Variants in ZNF700 observed in about 807,000 individuals in gnomAD.
The protein encoded by ZNF700 is zinc finger protein 700.
ZNF700 carries 38 observed loss-of-function variants against 65.3 expected under a neutral mutation model. The ratio of observed to expected loss-of-function variants is 0.58; its 90% CI spans 0.45 to 0.76. The LOEUF is 0.76. ZNF700 is among the 30% of genes least tolerant of loss of function. ZNF700 has a pLI of 0.00. For synonymous variants in ZNF700, 285 were observed against 290.4 expected, an observed-to-expected ratio of 0.98 and a Z score of 0.19; for missense variants, 857 against 888.4, an observed-to-expected ratio of 0.96 and a Z score of 0.45.
chr19:11,929,620 G>A (rs1044742260), intron 1 of ZNF700, among the ~76,000 whole-genome samples: 4 of 147,910 alleles, frequency 2.7e-5, no homozygotes, highest in Non-Finnish European at 4.4e-5. Context: ...GGGTCCTTAG[G>A]TAGGACCTTA....
chr19:11,948,393 A>G lies in ZNF700; in HGVS notation c.369A>G (p.Val123=). 1.2e-6 allele frequency: 2 copies of G among 1,614,100 alleles called. No individual in the cohort carries two copies. The highest frequency in any genetic ancestry group is 1.7e-6 in the Non-Finnish European group (2 of 1,179,960). The change falls in exon 4 of 4, where the codon GTA becomes GTG. Residue 123 remains valine (V), a synonymous_variant. Coordinates refer to ENST00000254321, the MANE Select transcript of ZNF700 (RefSeq NM_144566.3). The part of the protein sequence containing the change: ...NFQEKKASPE[V]KSCDSFVCAE... ...AGGAGAAGAAAGCTTCTCCTGAAGT[A>G]AAATCATGTGACAGCTTTGTGTGTG...
chr19:11,943,929 G>A (rs1972922036), intron 1 of ZNF700, among the ~76,000 whole-genome samples: 1 of 152,090 alleles, frequency 6.6e-6, no homozygotes, highest in African/African-American at 2.4e-5. Context: ...CTTTGCAGGG[G>A]TTTTCCAGGT....
In ZNF700 at chr19:11,937,485, CTTTCCTTTTT is replaced by C. The variant is rs1208927096; in HGVS notation, c.64-9692_64-9683del. 4.3e-5 allele frequency among the ~76,000 whole-genome samples: 6 copies of C among 138,304 alleles called. No homozygotes were observed. The East Asian group carries it at 1.2e-3, about 28-fold the overall frequency. 90.7% of individuals were successfully genotyped at this position (138,304 alleles called of 152,430 possible). On this transcript the variant is annotated intron_variant, in intron 1 of 3. Coordinates refer to ENST00000254321, the MANE Select transcript of ZNF700 (RefSeq NM_144566.3). The stretch of plus-strand genomic sequence containing the variant: ...CTTTATAGTAGATTTTTCTTTTTTT[CTTTCCTTTTT>C]TTTTTTTTTTTGAGACAGAGTCTCG...
chr19:11,934,867 C>A (rs1452690910), intron 1 of ZNF700, among the ~76,000 whole-genome samples: 2 of 147,450 alleles, frequency 1.4e-5, no homozygotes. Flanking sequence ...TGTAGAGCAT[C>A]CTGTCATATG....
intron 1 of ZNF700, among the ~76,000 whole-genome samples, chr19:11,946,175 G>A (rs1262706851): frequency 6.6e-6 from 1 of 152,174 alleles, no homozygotes; most frequent in Non-Finnish European, 1.5e-5. Context: ...GAGCCATTTT[G>A]TTTCTTCTTT....
intron 1 of ZNF700, among the ~76,000 whole-genome samples, chr19:11,942,957 C>A (rs907177867): frequency 6.6e-5 from 10 of 152,112 alleles, no homozygotes; most frequent in African/African-American, 1.9e-4. Flanking sequence ...CACTTTCATC[C>A]TTACTACCTA....
At chr19:11,932,021 A>G (rs1972721336) in intron 1 of ZNF700, among the ~76,000 whole-genome samples, 1 of 147,838 alleles carries the variant, frequency 6.8e-6, no homozygotes, top group Non-Finnish European at 1.5e-5. Context: ...AGGCTGAGGC[A>G]GGAGAATCGC....
At position 11,925,154 on chromosome 19, in the gene ZNF700, A is replaced by C. The variant is rs976246938; in HGVS notation, c.-57A>C. On this transcript the variant is annotated 5_prime_UTR_variant, in exon 1 of 4. Coordinates refer to ENST00000254321, the MANE Select transcript of ZNF700 (RefSeq NM_144566.3). ...GCGGCGGTTGGTAACCGGTCAGACC[A>C]GCCCGAGAGGGACCTGGTGCCTGTA... 3 of 1,601,494 alleles carry C rather than the reference A, an allele frequency of 1.9e-6. No homozygotes were observed. The highest frequency in any genetic ancestry group is 1.7e-6 in the Non-Finnish European group (2 of 1,171,612).
chr19:11,950,539 A>G lies in ZNF700; in HGVS notation c.*286A>G. 1.7e-6 allele frequency: 1 copy of G among 602,246 alleles called. No individual in the cohort carries two copies. The highest frequency in any genetic ancestry group is 3.1e-6 in the Non-Finnish European group (1 of 320,434). The allele number at this position is 602,246 out of a possible 1,614,324, so 37.3% of individuals were successfully genotyped here. On this transcript the variant is annotated 3_prime_UTR_variant, in exon 4 of 4. Coordinates refer to ENST00000254321, the MANE Select transcript of ZNF700 (RefSeq NM_144566.3). ...ACTGGAGTGAAACCCTATGAATGTA[A>G]GCAATGTGGGAAAGCCTTCAGATGT...
At position 11,925,197 on chromosome 19, in the gene ZNF700, C is replaced by G; in HGVS notation, c.-14C>G. 6.2e-7 allele frequency: 1 copy of G among 1,612,104 alleles called. No homozygotes were observed. Among genetic ancestry groups the G allele is most frequent in the South Asian group, 1.1e-5 (1 of 91,070 alleles). ...TGCCTGTACCCAGGCTTCTGTCGCTCTGTCGCCTGCGCTATGCCCTGCTGT... is the reference window on the plus strand; with the variant it reads ...TGCCTGTACCCAGGCTTCTGTCGCTGTGTCGCCTGCGCTATGCCCTGCTGT... On this transcript the variant is annotated 5_prime_UTR_variant, in exon 1 of 4. Transcript: ENST00000254321.
chr19:11,950,563 G>A lies in ZNF700; in HGVS notation c.*310G>A, dbSNP rs1973051902. 3.6e-6 allele frequency: 2 copies of A among 558,018 alleles called. No homozygotes were observed. Among genetic ancestry groups the A allele is most frequent in the Middle Eastern group, 3.0e-4 (1 of 3,290 alleles). 34.6% of individuals were successfully genotyped at this position (558,018 alleles called of 1,614,324 possible). A position where few individuals can be genotyped will look rare whatever the true frequency, so the allele number is the denominator to read the frequency against. Reference sequence around the variant, plus strand: ...AAGCAATGTGGGAAAGCCTTCAGATGTGCCTCGCACCTTCAACGGCATGGA... The same window carrying A: ...AAGCAATGTGGGAAAGCCTTCAGATATGCCTCGCACCTTCAACGGCATGGA... On this transcript the variant is annotated 3_prime_UTR_variant, in exon 4 of 4. Coordinates refer to ENST00000254321, the MANE Select transcript of ZNF700 (RefSeq NM_144566.3).
intron 1 of ZNF700, among the ~76,000 whole-genome samples, chr19:11,944,241 C>G (rs1463082019): frequency 6.6e-6 from 1 of 152,090 alleles, no homozygotes; most frequent in Non-Finnish European, 1.5e-5. Context: ...GCCTGGAAGT[C>G]CCCATACTAT....
intron 1 of ZNF700, among the ~76,000 whole-genome samples, chr19:11,926,325 C>A (rs1972626950): frequency 6.6e-6 from 1 of 152,160 alleles, no homozygotes; most frequent in African/African-American, 2.4e-5. Flanking sequence ...CATACAGAGG[C>A]ACTCAATTTT....
rs974377919 is a variant in ZNF700, at chr19:11,932,828, G to A, written c.63+7555G>A. Among the ~76,000 whole-genome samples the A allele has an allele frequency of 7.5e-5, 11 of 147,406 alleles. 2 individuals carry two copies. The highest frequency in any genetic ancestry group is 4.2e-4 in the South Asian group (2 of 4,762). On this transcript the variant is annotated intron_variant, in intron 1 of 3. Coordinates refer to ENST00000254321, the MANE Select transcript of ZNF700 (RefSeq NM_144566.3). Reference sequence around the variant, plus strand: ...AATTTTTTGTATTTTTAGTAGAGACGGGGTTTCACCGTGTTAGCCAGGATG... The same window carrying A: ...AATTTTTTGTATTTTTAGTAGAGACAGGGTTTCACCGTGTTAGCCAGGATG...
At chr19:11,948,247 CT>C in intron 3 of ZNF700, 28 bp from the exon 4 acceptor site, 1 of 1,602,408 alleles carries the variant, frequency 6.2e-7, no homozygotes, top group Non-Finnish European at 8.5e-7. Flanking sequence ...TAAACAAACC[CT>C]TCATGATGTG....
At chr19:11,945,833 G>T (rs1972950673) in intron 1 of ZNF700, among the ~76,000 whole-genome samples, 1 of 152,076 alleles carries the variant, frequency 6.6e-6, no homozygotes, top group Admixed American at 6.5e-5. Flanking sequence ...TCCCTTCCCA[G>T]CAAGGGCAAG....
chr19:11,925,288 C>A lies in ZNF700; in HGVS notation c.63+15C>A, dbSNP rs1189261222. 1 of 1,611,106 alleles carries A rather than the reference C, an allele frequency of 6.2e-7. No individual in the cohort carries two copies. The highest frequency in any genetic ancestry group is 1.1e-5 in the South Asian group (1 of 91,044). The stretch of plus-strand genomic sequence containing the variant: ...GCCGGGAAATGGTGCGTGTGCGGGA[C>A]CAGATGTCGTGAGACGGGGGAGGGG... On this transcript the variant is annotated intron_variant, in intron 1 of 3. Transcript: ENST00000254321.
rs1331250803 is a variant in ZNF700 at position 11,948,627 on chromosome 19, A to G, written c.603A>G (p.Lys201=). 6.2e-7 allele frequency: 1 copy of G among 1,611,546 alleles called. No individual in the cohort carries two copies. Among genetic ancestry groups the G allele is most frequent in the Non-Finnish European group, 8.5e-7 (1 of 1,179,474 alleles). Residue 201 remains lysine (K), a synonymous_variant, in exon 4 of 4, where the codon AAA becomes AAG. Coordinates refer to ENST00000254321, the MANE Select transcript of ZNF700 (RefSeq NM_144566.3). ...CCTATGCTTGTAAAGTCTGTGGAAAAACCTTTATTTTCCATTCAAGCATTC... is the reference window on the plus strand; with the variant it reads ...CCTATGCTTGTAAAGTCTGTGGAAAGACCTTTATTTTCCATTCAAGCATTC... ...EKPYACKVCG[K]TFIFHSSIRR...
rs927996271 is a variant in ZNF700 at position 11,934,244 on chromosome 19, T to C, written c.63+8971T>C. Among the ~76,000 whole-genome samples, 3 of 148,188 alleles carry C rather than the reference T, an allele frequency of 2.0e-5. 1 individual carries two copies. Among genetic ancestry groups the C allele is most frequent in the African/African-American group, 7.9e-5 (3 of 37,894 alleles). ...TTTTGGCAGTTATGAGTAAGGCTGC[T>C]AAAAACGTCTGTGGGAGGACTTTTG... On this transcript the variant is annotated intron_variant, in intron 1 of 3. Transcript: ENST00000254321.
Sources: allele counts gnomAD v4.1 joint callset (sites outside exome capture counted in the v4.1 genomes callset), GRCh38; gene constraint gnomAD v4.1.1; transcripts MANE v1.5; gene names NCBI Gene and HGNC (gene_info 2026-07-23, HGNC 2026-07-21).